Variants in SOX5 observed in about 807,000 individuals in gnomAD.
SOX5 encodes SRY-box transcription factor 5.
A neutral mutation model predicts 92.0 loss-of-function variants in SOX5; 9 were observed. The ratio of observed to expected loss-of-function variants is 0.10; its 90% CI spans 0.06 to 0.17. SOX5 has a LOEUF of 0.17. Ranked by LOEUF, SOX5 falls within the 10% of genes least tolerant of loss-of-function variation. The probability of loss-of-function intolerance (pLI) is 1.00; values close to 1 mark genes in which losing one functional copy is unlikely to be tolerated. For missense variants in SOX5, 642 were observed against 944.5 expected, an observed-to-expected ratio of 0.68 and a Z score of 4.20; for synonymous variants, 344 against 336.3, an observed-to-expected ratio of 1.02 and a Z score of -0.25.
chr12:23,969,743 G>T (rs1948008193), intron 4 of SOX5, among the ~76,000 whole-genome samples: 1 of 152,190 alleles, frequency 6.6e-6, no homozygotes, highest in South Asian at 2.1e-4. Flanking sequence ...TTTTCAGGGT[G>T]AAAAGTGATA....
chr12:24,037,210 C>T (rs1210556214), intron 4 of SOX5, among the ~76,000 whole-genome samples: 2 of 152,046 alleles, frequency 1.3e-5, no homozygotes, highest in African/African-American at 2.4e-5. Flanking sequence ...CAAGTAGGCT[C>T]TTAAGATAAT....
intron 4 of SOX5, among the ~76,000 whole-genome samples, chr12:24,095,375 C>T (rs1945273514): frequency 6.6e-6 from 1 of 151,904 alleles, no homozygotes; most frequent in Non-Finnish European, 1.5e-5. Flanking sequence ...CCTTCCTCAT[C>T]CCATACAAAG....
chr12:24,020,220 C>T (rs892393668), intron 4 of SOX5, among the ~76,000 whole-genome samples: 3 of 152,182 alleles, frequency 2.0e-5, no homozygotes, highest in African/African-American at 4.8e-5. Flanking sequence ...TGGGCCCCAA[C>T]ATTAACCAAC....
chr12:24,380,076 T>C (rs1431319162), intron 1 of SOX5, among the ~76,000 whole-genome samples: 2 of 152,184 alleles, frequency 1.3e-5, no homozygotes, highest in African/African-American at 4.8e-5. Context: ...GACAGGAAGA[T>C]TGATTTGCAT....
At chr12:23,760,287 C>G (rs983423234) in intron 3 of SOX5, among the ~76,000 whole-genome samples, 5 of 152,056 alleles carry the variant, frequency 3.3e-5, no homozygotes, top group Admixed American at 6.6e-5. Flanking sequence ...CCAACATCAG[C>G]TCATCAGTAA....
At chr12:23,587,411 G>A (rs1020649437) in intron 9 of SOX5, among the ~76,000 whole-genome samples, 5 of 152,036 alleles carry the variant, frequency 3.3e-5, no homozygotes, top group African/African-American at 1.2e-4. Context: ...TGTAAGCTTA[G>A]GCAACTTTTC....
chr12:23,806,408 C>T (rs879391722), intron 3 of SOX5, among the ~76,000 whole-genome samples: 25 of 152,220 alleles, frequency 1.6e-4, no homozygotes, highest in Non-Finnish European at 1.3e-4. Flanking sequence ...GGCTACAACA[C>T]TCTGCTCCTA....
At chr12:24,442,501 T>C (rs1432622807) in intron 1 of SOX5, among the ~76,000 whole-genome samples, 1 of 152,174 alleles carries the variant, frequency 6.6e-6, no homozygotes, top group Admixed American at 6.6e-5. Flanking sequence ...AGAGAGATTG[T>C]CATAGGGCCA....
chr12:23,697,596 G>A (rs999614974), intron 6 of SOX5, among the ~76,000 whole-genome samples: 4 of 152,080 alleles, frequency 2.6e-5, no homozygotes, highest in Non-Finnish European at 5.9e-5. Flanking sequence ...CGCCACCCAG[G>A]CTGGAGTGCT....
chr12:23,622,225 AT>A (rs2077265210), intron 8 of SOX5, among the ~76,000 whole-genome samples: 1 of 152,044 alleles, frequency 6.6e-6, no homozygotes. Context: ...ATATAATTTA[AT>A]TTCATACTTG....
At chr12:24,336,072 C>T (rs868601831) in intron 2 of SOX5, among the ~76,000 whole-genome samples, 8 of 141,084 alleles carry the variant, frequency 5.7e-5, no homozygotes, top group East Asian at 2.2e-4. Context: ...TATGGGGATA[C>T]GTTTTTTTTG....
At chr12:23,825,943 C>T (rs1466085298) in intron 3 of SOX5, among the ~76,000 whole-genome samples, 1 of 152,096 alleles carries the variant, frequency 6.6e-6, no homozygotes, top group African/African-American at 2.4e-5. Context: ...TTATTAACTC[C>T]TAATTGTAAT....
chr12:23,859,125 A>T (rs1462985969), intron 2 of SOX5, among the ~76,000 whole-genome samples: 1 of 152,206 alleles, frequency 6.6e-6, no homozygotes, highest in Non-Finnish European at 1.5e-5. Context: ...GAAAAAGAAC[A>T]GAATAACAGC....
intron 1 of SOX5, among the ~76,000 whole-genome samples, chr12:23,924,428 C>T (rs926157349): frequency 1.3e-5 from 2 of 151,976 alleles, no homozygotes; most frequent in Admixed American, 6.6e-5. Flanking sequence ...TTTACAAAGG[C>T]CTTATATAAT....
intron 7 of SOX5, among the ~76,000 whole-genome samples, chr12:23,650,881 C>T (rs1468405853): frequency 6.6e-6 from 1 of 151,872 alleles, no homozygotes; most frequent in Non-Finnish European, 1.5e-5. Context: ...AGTTTTGTGG[C>T]AAGGCATAGA....
At chr12:24,010,310 G>T (rs904056125) in intron 4 of SOX5, among the ~76,000 whole-genome samples, 1 of 152,102 alleles carries the variant, frequency 6.6e-6, no homozygotes, top group South Asian at 2.1e-4. Context: ...GCATCTCTAG[G>T]ATTATGTCTG....
intron 4 of SOX5, among the ~76,000 whole-genome samples, chr12:24,183,894 T>C (rs1340957665): frequency 6.6e-6 from 1 of 152,198 alleles, no homozygotes; most frequent in East Asian, 1.9e-4. Context: ...TAGTACCTAC[T>C]CGCCTTCAAT....
chr12:23,692,517 T>C (rs2089044488), intron 6 of SOX5, among the ~76,000 whole-genome samples: 1 of 152,126 alleles, frequency 6.6e-6, no homozygotes, highest in Non-Finnish European at 1.5e-5. Flanking sequence ...GTAAGCACTG[T>C]ATAGTACCAC....
intron 4 of SOX5, among the ~76,000 whole-genome samples, chr12:23,998,825 A>AG (rs57892964): frequency 0.028 from 3,544 of 128,808 alleles, 138 homozygotes; most frequent in Admixed American, 0.06. Context: ...AAAAAAAAAA[A>AG]GGGGGGGCGA....
Sources: allele counts gnomAD v4.1 joint callset (sites outside exome capture counted in the v4.1 genomes callset), GRCh38; gene constraint gnomAD v4.1.1; transcripts MANE v1.5; gene names NCBI Gene and HGNC (gene_info 2026-07-23, HGNC 2026-07-21).